The following MED13L variants were observed in gnomAD, a reference collection of about 807,000 sequenced individuals.
MED13L encodes mediator of RNA polymerase II transcription subunit 13-like.
MED13L carries 7 observed loss-of-function variants against 220.9 expected under a neutral mutation model. The ratio of observed to expected loss-of-function variants is 0.03; its 90% CI spans 0.02 to 0.06. MED13L has a LOEUF of 0.06. MED13L is among the 10% of genes least tolerant of loss of function. The pLI is 1.00. For missense variants in MED13L, 1,965 were observed against 2,760.5 expected, an observed-to-expected ratio of 0.71 and a Z score of 6.46; for synonymous variants, 1,011 against 1,015.2, an observed-to-expected ratio of 1.00 and a Z score of 0.08.
Position 116,019,254 on chromosome 12 carries a change from G to A in MED13L, c.979C>T (p.Pro327Ser). The change falls in exon 7 of 31, where the codon CCT becomes TCT. Residue 327 changes from proline (P) to serine (S), a missense_variant. Coordinates refer to ENST00000281928, the MANE Select transcript of MED13L (RefSeq NM_015335.5). The part of the protein sequence containing the change: ...DPSNCGMPLT[P>S]PTSPEQAILG... ...ATAGCCTGTTCTGGAGAGGTGGGAG[G>A]GGTCAGAGGCATCCCACAGTTACTT... The A allele has an allele frequency of 6.2e-7, 1 of 1,613,858 alleles. No individual in the cohort carries two copies. The highest frequency in any genetic ancestry group is 8.5e-7 in the Non-Finnish European group (1 of 1,179,914).
chr12:116,031,722 A>AAAGAAAAGAAAAGAG (rs2137495867), intron 4 of MED13L, among the ~76,000 whole-genome samples: 1 of 84,028 alleles, frequency 1.2e-5, no homozygotes, highest in African/African-American at 6.2e-5. Context: ...AAAGAAAAGA[A>AAAGAAAAGAAAAGAG]AAGAAAAGAA....
chr12:116,124,005 G>A (rs1020747527), intron 2 of MED13L, among the ~76,000 whole-genome samples: 26 of 152,116 alleles, frequency 1.7e-4, no homozygotes, highest in Admixed American at 1.6e-3. Flanking sequence ...TTGATTAAGA[G>A]ACAGCATATT....
chr12:116,007,334 AAAGTCTTCCCAC>A, intron 11 of MED13L, 65 bp downstream of exon 11: 1 of 1,386,410 alleles, frequency 7.2e-7, no homozygotes, highest in Non-Finnish European at 1.0e-6. Flanking sequence ...TTCTGCCTCC[AAAGTCTTCCCAC>A]ACATGTTGTA....
chr12:116,078,350 A>G (rs545136947), intron 4 of MED13L, among the ~76,000 whole-genome samples: 5 of 152,268 alleles, frequency 3.3e-5, no homozygotes, highest in East Asian at 3.9e-4. Flanking sequence ...TTCTACATAT[A>G]ATTTCTACAT....
intron 3 of MED13L, among the ~76,000 whole-genome samples, chr12:116,098,856 G>A (rs974626918): frequency 1.3e-5 from 2 of 152,114 alleles, no homozygotes; most frequent in Non-Finnish European, 1.5e-5. Context: ...ACCCAAGGAG[G>A]AAGTATTCAA....
intron 4 of MED13L, among the ~76,000 whole-genome samples, chr12:116,026,014 C>T (rs905558577): frequency 1.3e-5 from 2 of 150,284 alleles, no homozygotes; most frequent in Non-Finnish European, 3.0e-5. Context: ...AAATAGAATT[C>T]AAAAAAAGAA....
intron 1 of MED13L, among the ~76,000 whole-genome samples, chr12:116,253,588 T>C (rs1001957689): frequency 6.6e-6 from 1 of 151,942 alleles, no homozygotes; most frequent in Non-Finnish European, 1.5e-5. Flanking sequence ...GTAATAATAA[T>C]ACCATAAGCT....
At chr12:116,232,298 C>T (rs1359765116) in intron 2 of MED13L, 1 of 176,906 alleles carries the variant, frequency 5.7e-6, no homozygotes, top group Non-Finnish European at 1.1e-5. Context: ...TAGAGTTGTA[C>T]AGATGTATCC....
At chr12:116,133,530 A>C (rs1297391575) in intron 2 of MED13L, among the ~76,000 whole-genome samples, 3 of 152,178 alleles carry the variant, frequency 2.0e-5, no homozygotes, top group Non-Finnish European at 4.4e-5. Flanking sequence ...GCCCCTAGAT[A>C]TAGGCAGGCA....
intron 1 of MED13L, among the ~76,000 whole-genome samples, chr12:116,253,753 GTTTT>G (rs746923184): frequency 4.3e-4 from 33 of 76,550 alleles, no homozygotes; most frequent in African/African-American, 1.5e-3. Flanking sequence ...GGTTTTTTTT[GTTTT>G]TTTTTTTTTT....
intron 4 of MED13L, among the ~76,000 whole-genome samples, chr12:116,048,803 C>T (rs1881989013): frequency 6.6e-6 from 1 of 152,038 alleles, no homozygotes. Flanking sequence ...ACAGCCATTA[C>T]CGTTATTGAT....
In MED13L at chr12:115,983,144, G is replaced by A; in HGVS notation, c.4928C>T (p.Ser1643Phe). 6.2e-7 allele frequency: 1 copy of A among 1,614,036 alleles called. No homozygotes were observed. Among genetic ancestry groups the A allele is most frequent in the Non-Finnish European group, 8.5e-7 (1 of 1,179,932 alleles). The change falls in exon 21 of 31, where the codon TCT (serine) becomes TTT (phenylalanine). Residue 1643 changes from serine to phenylalanine, a missense_variant. Ser to Phe is a radical substitution (Grantham distance 155). Around this residue, in one of 10 missense-constraint regions of MED13L, gnomAD observed 510 missense variants for 620.4 expected, o/e 0.82. Coordinates refer to ENST00000281928, the MANE Select transcript of MED13L (RefSeq NM_015335.5). ...GGDTDPGQSS[S>F]QPSQDGQESV... ...CTCTTGTCCATCCTGTGAGGGCTGA[G>A]AAGAGCTCTGCCCAGGGTCAGTGTC...
intron 1 of MED13L, among the ~76,000 whole-genome samples, chr12:116,255,435 A>G (rs879558421): frequency 2.6e-5 from 4 of 152,236 alleles, no homozygotes; most frequent in African/African-American, 7.2e-5. Context: ...AACTTCTGGA[A>G]GAAATCATAA....
chr12:116,085,645 T>TA (rs955914007), intron 4 of MED13L, among the ~76,000 whole-genome samples: 1 of 152,034 alleles, frequency 6.6e-6, no homozygotes, highest in Non-Finnish European at 1.5e-5. Flanking sequence ...CACTGGAAAC[T>TA]AAAATAAATG....
In MED13L at chr12:116,104,262, G is replaced by A. The variant is rs1445943812; in HGVS notation, c.395+7166C>T. 4.6e-5 allele frequency among the ~76,000 whole-genome samples: 7 copies of A among 151,788 alleles called. 1 individual carries two copies. The highest frequency in any genetic ancestry group is 1.3e-4 in the Admixed American group (2 of 15,230). ...TGACCTCAGGTGATCCACCTGTCTCGGCCTCCCAAAGTGCTGGGACTACAG... is the reference window on the plus strand; with the variant it reads ...TGACCTCAGGTGATCCACCTGTCTCAGCCTCCCAAAGTGCTGGGACTACAG... On this transcript the variant is annotated intron_variant, in intron 3 of 30. Coordinates refer to ENST00000281928, the MANE Select transcript of MED13L (RefSeq NM_015335.5).
At chr12:116,030,034 T>C (rs183571254) in intron 4 of MED13L, among the ~76,000 whole-genome samples, 1 of 152,292 alleles carries the variant, frequency 6.6e-6, no homozygotes, top group Admixed American at 6.5e-5. Flanking sequence ...AGTGGCATGA[T>C]CTCTGCTCAC....
At chr12:116,091,761 T>G (rs954011455) in intron 4 of MED13L, among the ~76,000 whole-genome samples, 4 of 152,254 alleles carry the variant, frequency 2.6e-5, no homozygotes, top group Non-Finnish European at 5.9e-5. Context: ...CCAAATCTAA[T>G]AGTCTTTATA....
At chr12:116,028,517 T>C (rs1305272349) in intron 4 of MED13L, among the ~76,000 whole-genome samples, 2 of 152,156 alleles carry the variant, frequency 1.3e-5, no homozygotes, top group East Asian at 1.9e-4. Context: ...ACCTGGTCCT[T>C]CTTCTTAACA....
At chr12:116,240,180 C>T (rs1283610509) in intron 1 of MED13L, among the ~76,000 whole-genome samples, 1 of 151,722 alleles carries the variant, frequency 6.6e-6, no homozygotes, top group South Asian at 2.1e-4. Flanking sequence ...CAGTGCAACA[C>T]TGGCCTCCCA....
Sources: gnomAD v4.1 joint callset for allele counts (sites outside exome capture counted in the v4.1 genomes callset) on GRCh38, gnomAD v4.1.1 for gene constraint, gnomAD v4.1.1 regional missense constraint, MANE v1.5 for transcripts, NCBI Gene and HGNC (gene_info 2026-07-23, HGNC 2026-07-21) for gene names.